The following NKD1 variants were observed in gnomAD, a reference collection of about 807,000 sequenced individuals.
NKD1 encodes protein naked cuticle homolog 1.
In NKD1, 21 loss-of-function variants were observed where a neutral mutation model predicts 56.0. That is an observed-to-expected ratio of 0.38 (90% CI 0.27 to 0.54). NKD1 has a LOEUF of 0.54. Ranked by LOEUF, NKD1 falls within the 20% of genes least tolerant of loss-of-function variation. NKD1 has a pLI of 0.82. For synonymous variants in NKD1, 263 were observed against 265.7 expected (o/e 0.99, Z 0.10); for missense variants, 578 against 642.7 (o/e 0.90, Z 1.09).
At chr16:50,602,647 C>T (rs767029892) in intron 3 of NKD1, among the ~76,000 whole-genome samples, 1 of 152,220 alleles carries the variant, frequency 6.6e-6, no homozygotes, top group Non-Finnish European at 1.5e-5. Flanking sequence ...CCGTGGCTGT[C>T]GTCTTCCGCA....
intron 4 of NKD1, among the ~76,000 whole-genome samples, chr16:50,614,850 C>T (rs1442009592): frequency 6.6e-6 from 1 of 152,112 alleles, no homozygotes; most frequent in Non-Finnish European, 1.5e-5. Flanking sequence ...ACACATATGA[C>T]CACATAAACA....
chr16:50,560,326 C>T (rs568996167), intron 3 of NKD1, among the ~76,000 whole-genome samples: 5 of 152,178 alleles, frequency 3.3e-5, no homozygotes, highest in African/African-American at 4.8e-5. Context: ...TGCATAGCCC[C>T]GTGCTGAGTC....
rs980433503 is a variant in NKD1, at chr16:50,623,231, C to G, written c.366+1523C>G. ...CAGGGTCTCTGGTGACCGATCTTACCCCCTTTCCAGTGTCATCTCCCTGCC... is the reference window on the plus strand; with the variant it reads ...CAGGGTCTCTGGTGACCGATCTTACGCCCTTTCCAGTGTCATCTCCCTGCC... On this transcript the variant is annotated intron_variant, in intron 5 of 9. Transcript: ENST00000268459. This position sits in a 1 kb window ranked among gnomAD's most constrained non-coding sequence, Gnocchi z 4.1. 2.0e-5 allele frequency among the ~76,000 whole-genome samples: 3 copies of G among 151,898 alleles called. No individual in the cohort carries two copies. Among genetic ancestry groups the G allele is most frequent in the African/African-American group, 7.3e-5 (3 of 41,368 alleles).
intron 3 of NKD1, among the ~76,000 whole-genome samples, chr16:50,573,477 G>C (rs147595536): frequency 6.6e-6 from 1 of 152,202 alleles, no homozygotes; most frequent in Non-Finnish European, 1.5e-5. Flanking sequence ...CGGGTGCTGC[G>C]GGGAAAGAGC....
chr16:50,593,308 A>T (rs749328589), intron 3 of NKD1, among the ~76,000 whole-genome samples: 34 of 152,222 alleles, frequency 2.2e-4, no homozygotes, highest in Non-Finnish European at 4.3e-4. Flanking sequence ...GGTCCACGTC[A>T]TTGAAAAATG....
intron 4 of NKD1, among the ~76,000 whole-genome samples, chr16:50,609,490 C>G (rs1208919510): frequency 6.6e-6 from 1 of 152,138 alleles, no homozygotes; most frequent in Non-Finnish European, 1.5e-5. Context: ...GTGCAAGGGT[C>G]TGCGGAGGGG....
chr16:50,560,133 A>G (rs1280954962), intron 3 of NKD1, among the ~76,000 whole-genome samples: 1 of 152,180 alleles, frequency 6.6e-6, no homozygotes, highest in Admixed American at 6.5e-5. Context: ...AGGCAAAAAG[A>G]TGATTGAAGA....
chr16:50,611,218 C>G (rs906098154), intron 4 of NKD1, among the ~76,000 whole-genome samples: 2 of 152,218 alleles, frequency 1.3e-5, no homozygotes, highest in Non-Finnish European at 2.9e-5. Context: ...CCAGGTCCCC[C>G]CTGCCTCTCA....
chr16:50,581,168 A>T (rs1961107741), intron 3 of NKD1, among the ~76,000 whole-genome samples: 1 of 152,186 alleles, frequency 6.6e-6, no homozygotes, highest in African/African-American at 2.4e-5. Flanking sequence ...TGTATTGCTT[A>T]CCAGGGACAA....
chr16:50,589,831 CTT>C (rs1961325890), intron 3 of NKD1, among the ~76,000 whole-genome samples: 1 of 123,966 alleles, frequency 8.1e-6, no homozygotes, highest in African/African-American at 3.1e-5. Context: ...CCTCTCCTCT[CTT>C]TTCTCTTCTC....
intron 3 of NKD1, among the ~76,000 whole-genome samples, chr16:50,555,191 G>C (rs1960474781): frequency 6.6e-6 from 1 of 152,142 alleles, no homozygotes; most frequent in Non-Finnish European, 1.5e-5. Context: ...AGCTGCCCTG[G>C]TAGGATGGGG....
At chr16:50,558,543 A>C (rs1020715752) in intron 3 of NKD1, 1 of 152,108 alleles carries the variant, frequency 6.6e-6, no homozygotes, top group Non-Finnish European at 1.5e-5. Context: ...GAAGCTGTGC[A>C]CAGTGTATTT....
chr16:50,582,778 G>A (rs1264857191), intron 3 of NKD1, among the ~76,000 whole-genome samples: 1 of 152,256 alleles, frequency 6.6e-6, no homozygotes, highest in East Asian at 1.9e-4. Flanking sequence ...GGAGGCCGAG[G>A]TGGGTGGATC....
At position 50,633,883 on chromosome 16, in the gene NKD1, TATTAATA is replaced by T. The variant is rs1166090633; in HGVS notation, c.*107_*113del. On this transcript the variant is annotated 3_prime_UTR_variant, in exon 10 of 10. Coordinates refer to ENST00000268459, the MANE Select transcript of NKD1 (RefSeq NM_033119.5). This position sits in a 1 kb window ranked among gnomAD's most constrained non-coding sequence, Gnocchi z 4.9. ...TTATTGTTATTATGATGATTATTGTTATTAATAATTATTGTTACTCCACTAATATTTA... is the reference window on the plus strand; with the variant it reads ...TTATTGTTATTATGATGATTATTGTTATTATTGTTACTCCACTAATATTTA... 3 of 588,356 alleles carry T rather than the reference TATTAATA, an allele frequency of 5.1e-6. No homozygotes were observed. Among genetic ancestry groups the T allele is most frequent in the Middle Eastern group, 3.0e-4 (1 of 3,310 alleles). 36.4% of individuals were successfully genotyped at this position (588,356 alleles called of 1,614,324 possible).
chr16:50,607,110 T>A (rs1961729525), intron 3 of NKD1: 1 of 441,306 alleles, frequency 2.3e-6, no homozygotes, highest in Non-Finnish European at 4.6e-6. Context: ...GGAGTCTGAA[T>A]GGCCACATTT....
chr16:50,554,768 G>A (rs1053872369), intron 3 of NKD1, among the ~76,000 whole-genome samples: 2 of 152,062 alleles, frequency 1.3e-5, no homozygotes, highest in African/African-American at 2.4e-5. Context: ...ATAGGTGCAC[G>A]CCACTGTGTC....
intron 3 of NKD1, among the ~76,000 whole-genome samples, chr16:50,577,453 A>G (rs754008931): frequency 1.3e-5 from 2 of 152,200 alleles, no homozygotes; most frequent in African/African-American, 4.8e-5. Flanking sequence ...AGACATGTCT[A>G]TAATCTGCCC....
chr16:50,625,203 C>G, intron 5 of NKD1: 1 of 481,996 alleles, frequency 2.1e-6, no homozygotes, highest in East Asian at 3.7e-5. Flanking sequence ...GCCACAGTGC[C>G]TCTTCTCAGA....
intron 3 of NKD1, among the ~76,000 whole-genome samples, chr16:50,599,057 T>G (rs1194907984): frequency 1.3e-5 from 2 of 151,968 alleles, no homozygotes; most frequent in East Asian, 1.9e-4. Flanking sequence ...AAGCGCTGAG[T>G]GCACTCTCTC....
Sources: allele counts gnomAD v4.1 joint callset (sites outside exome capture counted in the v4.1 genomes callset), GRCh38; gene constraint gnomAD v4.1.1; non-coding constraint Gnocchi (gnomAD v3.1); transcripts MANE v1.5; gene names NCBI Gene and HGNC (gene_info 2026-07-23, HGNC 2026-07-21).